SPAG16: variants seen among roughly 807,000 people sequenced by gnomAD.
The protein encoded by SPAG16 is sperm-associated antigen 16 protein.
In SPAG16, 86 loss-of-function variants were observed where a neutral mutation model predicts 80.4. That is an observed-to-expected ratio of 1.07 (90% CI 0.90 to 1.28). The LOEUF (loss-of-function observed/expected upper bound fraction) is 1.28, where lower values mean the gene tolerates loss of function less well. Ranked by LOEUF, SPAG16 falls within the 50% of genes most tolerant of loss-of-function variation. The pLI is 0.00. For missense variants in SPAG16, 870 were observed against 765.3 expected, an observed-to-expected ratio of 1.14 and a Z score of -1.61; for synonymous variants, 294 against 265.9, an observed-to-expected ratio of 1.11 and a Z score of -1.03.
chr2:214,212,858 G>C (rs1002261885), intron 15 of SPAG16, among the ~76,000 whole-genome samples: 3 of 152,220 alleles, frequency 2.0e-5, no homozygotes, highest in Non-Finnish European at 4.4e-5. Flanking sequence ...AATTTTAGAG[G>C]GAGAACTGTG....
intron 15 of SPAG16, among the ~76,000 whole-genome samples, chr2:214,281,672 T>G (rs1288546952): frequency 1.3e-5 from 2 of 152,154 alleles, no homozygotes; most frequent in East Asian, 3.9e-4. Flanking sequence ...TACCTACCTA[T>G]CATATGACTC....
chr2:213,411,947 G>A (rs533011257), intron 9 of SPAG16, among the ~76,000 whole-genome samples: 2 of 152,196 alleles, frequency 1.3e-5, no homozygotes, highest in South Asian at 4.2e-4. Flanking sequence ...ACAAGGGGAA[G>A]GATTGTTAGA....
intron 10 of SPAG16, among the ~76,000 whole-genome samples, chr2:213,736,286 A>G (rs748052548): frequency 3.3e-5 from 5 of 152,080 alleles, no homozygotes; most frequent in Non-Finnish European, 5.9e-5. Flanking sequence ...TAATTGCTGT[A>G]GGTTCAGATT....
chr2:213,405,108 C>T (rs1007594220), intron 9 of SPAG16, among the ~76,000 whole-genome samples: 3 of 152,086 alleles, frequency 2.0e-5, no homozygotes, highest in Admixed American at 6.6e-5. Flanking sequence ...TCACTACTGT[C>T]GAGTGTAACA....
At chr2:214,055,034 G>A (rs959734444) in intron 13 of SPAG16, among the ~76,000 whole-genome samples, 5 of 152,138 alleles carry the variant, frequency 3.3e-5, no homozygotes, top group African/African-American at 1.2e-4. Context: ...GAGTGACACA[G>A]CATATAAGGG....
intron 4 of SPAG16, among the ~76,000 whole-genome samples, chr2:213,314,329 A>G (rs2063318426): frequency 6.6e-6 from 1 of 151,854 alleles, no homozygotes; most frequent in African/African-American, 2.4e-5. Context: ...CCACCTGAAC[A>G]CTTTTGAGTC....
At chr2:213,979,857 A>G (rs750599670) in intron 12 of SPAG16, among the ~76,000 whole-genome samples, 5 of 151,996 alleles carry the variant, frequency 3.3e-5, no homozygotes, top group South Asian at 4.1e-4. Context: ...TAATATTCCT[A>G]TACTGCTTGA....
At chr2:214,031,598 TAATAA>T (rs56258151) in intron 13 of SPAG16, among the ~76,000 whole-genome samples, 67,338 of 132,120 alleles carry the variant, frequency 0.51, 17,576 homozygotes, top group East Asian at 0.76. Flanking sequence ...AGTATAATAA[TAATAA>T]AATAAAATAA....
At chr2:213,477,505 C>T (rs529377144) in intron 9 of SPAG16, among the ~76,000 whole-genome samples, 9 of 152,206 alleles carry the variant, frequency 5.9e-5, no homozygotes, top group Non-Finnish European at 1.0e-4. Flanking sequence ...CATGCATCAG[C>T]ATGACCTGGA....
chr2:213,825,861 A>G (rs1274480082), intron 10 of SPAG16, among the ~76,000 whole-genome samples: 1 of 151,946 alleles, frequency 6.6e-6, no homozygotes, highest in African/African-American at 2.4e-5. Flanking sequence ...GTTTGGTAAC[A>G]TTCAGCAGTG....
chr2:213,689,166 G>A (rs1303126432), intron 10 of SPAG16, among the ~76,000 whole-genome samples: 1 of 152,088 alleles, frequency 6.6e-6, no homozygotes, highest in African/African-American at 2.4e-5. Context: ...CACCATCTTG[G>A]CCAGGCTGGT....
intron 13 of SPAG16, among the ~76,000 whole-genome samples, chr2:214,015,214 AC>A (rs1236160044): frequency 6.6e-6 from 1 of 152,184 alleles, no homozygotes; most frequent in Admixed American, 6.6e-5. Flanking sequence ...GACTGGCCAG[AC>A]CCACTTCATG....
At chr2:213,706,683 G>T (rs943818455) in intron 10 of SPAG16, among the ~76,000 whole-genome samples, 1 of 152,178 alleles carries the variant, frequency 6.6e-6, no homozygotes, top group Non-Finnish European at 1.5e-5. Flanking sequence ...ATTAACTAAT[G>T]CTACATCATA....
intron 15 of SPAG16, among the ~76,000 whole-genome samples, chr2:214,270,269 G>T (rs941206077): frequency 1.4e-4 from 22 of 152,088 alleles, no homozygotes; most frequent in African/African-American, 5.1e-4. Context: ...AATTTCATTT[G>T]CATAGTCTTT....
chr2:214,140,070 A>T (rs2055269892), intron 14 of SPAG16, among the ~76,000 whole-genome samples: 1 of 152,182 alleles, frequency 6.6e-6, no homozygotes, highest in Admixed American at 6.5e-5. Context: ...AAATGTATAA[A>T]ACCAAACTGT....
At chr2:214,163,303 A>G (rs1183032862) in intron 15 of SPAG16, among the ~76,000 whole-genome samples, 3 of 151,840 alleles carry the variant, frequency 2.0e-5, no homozygotes, top group African/African-American at 7.3e-5. Context: ...TTTCCAAGTA[A>G]TCTTTTCCAT....
intron 10 of SPAG16, among the ~76,000 whole-genome samples, chr2:213,702,886 C>T (rs1177794549): frequency 6.6e-6 from 1 of 152,158 alleles, no homozygotes; most frequent in Admixed American, 6.5e-5. Context: ...TACTAGCACT[C>T]AGACCCAAGG....
intron 15 of SPAG16, among the ~76,000 whole-genome samples, chr2:214,205,461 C>A (rs1391719529): frequency 6.6e-6 from 1 of 151,986 alleles, no homozygotes; most frequent in East Asian, 1.9e-4. Context: ...TTCATATGTT[C>A]AATTTTATAT....
At chr2:213,354,170 A>G (rs2065495369) in intron 7 of SPAG16, among the ~76,000 whole-genome samples, 1 of 152,148 alleles carries the variant, frequency 6.6e-6, no homozygotes, top group Admixed American at 6.5e-5. Flanking sequence ...TTTGCTGAGA[A>G]TGATGGTTTC....
Sources: allele counts gnomAD v4.1 joint callset (sites outside exome capture counted in the v4.1 genomes callset), GRCh38; gene constraint gnomAD v4.1.1; transcripts MANE v1.5; gene names NCBI Gene and HGNC (gene_info 2026-07-23, HGNC 2026-07-21).